PCDH11X: variants seen among roughly 807,000 people sequenced by gnomAD.
PCDH11X encodes protocadherin 11 X-linked.
A neutral mutation model predicts 53.3 loss-of-function variants in PCDH11X; 18 were observed. That is an observed-to-expected ratio of 0.34 (90% CI 0.23 to 0.50). PCDH11X has a LOEUF of 0.50. Among genes scored for constraint, PCDH11X ranks in the 20% least tolerant of loss-of-function variants. The pLI is 0.98. For synonymous variants in PCDH11X, 279 were observed against 393.3 expected (o/e 0.71, Z 3.44); for missense variants, 570 against 1,032.4 (o/e 0.55, Z 6.14).
At chrX:92,245,263 C>T (rs62600700) in intron 7 of PCDH11X, among the ~76,000 whole-genome samples, 14,832 of 111,713 alleles carry the variant, frequency 0.13, 1,577 homozygotes, top group African/African-American at 0.36. Context: ...TTCAAGACTT[C>T]GTGGATCACT....
chrX:91,951,216 A>T (rs766619287), intron 6 of PCDH11X, among the ~76,000 whole-genome samples: 2 of 110,672 alleles, frequency 1.8e-5, no homozygotes, highest in South Asian at 7.6e-4. Context: ...AAGTCAATGC[A>T]CTACAACTGC....
chrX:91,978,064 G>A (rs1221769670), intron 6 of PCDH11X, among the ~76,000 whole-genome samples: 2 of 111,391 alleles, frequency 1.8e-5, no homozygotes, highest in Non-Finnish European at 3.8e-5. Context: ...TGCATGAGGG[G>A]TAAGATCCAA....
intron 6 of PCDH11X, among the ~76,000 whole-genome samples, chrX:92,148,772 G>T (rs5942121): frequency 1.0e-5 from 1 of 99,123 alleles, no homozygotes; most frequent in Non-Finnish European, 1.9e-5. Flanking sequence ...ATATATATAT[G>T]TGTGTGTATA....
Position 92,484,322 on chromosome X carries a change from T to C in PCDH11X, c.3367+16000T>C, listed in dbSNP as rs374245053. ...GTGTGTATATATATACATATATATA[T>C]ATGCTAGATCGAATGGTACATCTAC... On this transcript the variant is annotated intron_variant, in intron 10 of 10. Transcript: ENST00000682573. Among the ~76,000 whole-genome samples, 26 of 103,065 alleles carry C rather than the reference T, an allele frequency of 2.5e-4. No individual in the cohort carries two copies. The South Asian group carries it at 0.01, about 40-fold the overall frequency. 89.5% of individuals were successfully genotyped at this position (103,065 alleles called of 115,157 possible). A position where few individuals can be genotyped will look rare whatever the true frequency, so the allele number is the denominator to read the frequency against.
chrX:92,157,548 G>A (rs756987438), intron 6 of PCDH11X, among the ~76,000 whole-genome samples: 2 of 111,774 alleles, frequency 1.8e-5, no homozygotes, highest in East Asian at 2.8e-4. Flanking sequence ...ATAAGAAAAC[G>A]ATTTTAAAGC....
At chrX:92,231,338 T>G (rs1332220216) in intron 7 of PCDH11X, among the ~76,000 whole-genome samples, 1 of 111,870 alleles carries the variant, frequency 8.9e-6, no homozygotes, top group Non-Finnish European at 1.9e-5. Context: ...CCATTTAAAA[T>G]TTTGTAATTT....
chrX:92,460,466 A>G, intron 9 of PCDH11X: 1 of 745,067 alleles, frequency 1.3e-6, no homozygotes. Context: ...GAGCTAGACA[A>G]ATACTGGCCT....
intron 7 of PCDH11X, among the ~76,000 whole-genome samples, chrX:92,230,990 C>A (rs1333815283): frequency 9.0e-6 from 1 of 111,088 alleles, no homozygotes; most frequent in African/African-American, 3.3e-5. Context: ...TCTGGAGGTA[C>A]AGAATGTGGC....
intron 7 of PCDH11X, among the ~76,000 whole-genome samples, chrX:92,208,902 G>C (rs1241881335): frequency 1.8e-5 from 2 of 110,699 alleles, no homozygotes; most frequent in Non-Finnish European, 3.8e-5. Context: ...AAGGTGAAGG[G>C]TAAGCCAGTC....
At chrX:92,213,212 C>T (rs1224393982) in intron 7 of PCDH11X, among the ~76,000 whole-genome samples, 2 of 112,107 alleles carry the variant, frequency 1.8e-5, no homozygotes, top group East Asian at 2.8e-4. Flanking sequence ...CAACATTGTT[C>T]TCTGCCCAGA....
chrX:92,418,351 T>G (rs1325642211), intron 9 of PCDH11X, among the ~76,000 whole-genome samples: 2 of 111,386 alleles, frequency 1.8e-5, no homozygotes, highest in Non-Finnish European at 1.9e-5. Flanking sequence ...AAATGTATCA[T>G]GCAGTCTTTT....
At chrX:91,949,511 T>C (rs2061613658) in intron 6 of PCDH11X, among the ~76,000 whole-genome samples, 2 of 110,549 alleles carry the variant, frequency 1.8e-5, no homozygotes, top group Admixed American at 9.7e-5. Flanking sequence ...TTAAAACAAA[T>C]TCGTACAAGT....
At chrX:92,547,675 G>GA (rs2074879653) in intron 10 of PCDH11X, among the ~76,000 whole-genome samples, 1 of 111,073 alleles carries the variant, frequency 9.0e-6, no homozygotes, top group African/African-American at 3.3e-5. Flanking sequence ...TTTACCTTGA[G>GA]AAAAAAATGA....
chrX:92,411,246 G>A (rs201348736), intron 9 of PCDH11X, among the ~76,000 whole-genome samples: 7 of 110,557 alleles, frequency 6.3e-5, no homozygotes. Context: ...GAATAAATTG[G>A]CTAACCTATG....
chrX:92,614,859 T>TATGCCTGGGTGTGGAGCAGAGAGAG, intron 10 of PCDH11X, among the ~76,000 whole-genome samples: 1 of 111,840 alleles, frequency 8.9e-6, no homozygotes, highest in Admixed American at 9.5e-5. Context: ...TGCCTAGAGA[T>TATGCCTGGGTGTGGAGCAGAGAGAG]ATGCCTGGGT....
chrX:92,613,796 G>A (rs916782940), intron 10 of PCDH11X, among the ~76,000 whole-genome samples: 15 of 109,685 alleles, frequency 1.4e-4, no homozygotes, highest in Middle Eastern at 4.7e-3. Flanking sequence ...AGGTTTCTTC[G>A]CTTTACATCA....
intron 7 of PCDH11X, among the ~76,000 whole-genome samples, chrX:92,233,673 A>G (rs2067122526): frequency 8.9e-6 from 1 of 111,947 alleles, no homozygotes; most frequent in South Asian, 3.7e-4. Context: ...ACCTGGAGCC[A>G]ACATAGTGAA....
In PCDH11X at chrX:92,615,720, C is replaced by G. The variant is rs183978175; in HGVS notation, c.3368-2544C>G. Among the ~76,000 whole-genome samples the G allele has an allele frequency of 6.6e-3, 718 of 109,602 alleles. 6 individuals are homozygous for G. Among genetic ancestry groups the G allele is most frequent in the African/African-American group, 0.023 (692 of 30,016 alleles). ...TGGCATCCTGCTGTCAGTCCTTGGC[C>G]TGGGCAAATTTCTGTAGTTTTTCCT... On this transcript the variant is annotated intron_variant, in intron 10 of 10. Coordinates refer to ENST00000682573, the MANE Select transcript of PCDH11X (RefSeq NM_032968.5).
At chrX:91,895,759 A>G (rs1940720365) in intron 6 of PCDH11X, among the ~76,000 whole-genome samples, 1 of 107,597 alleles carries the variant, frequency 9.3e-6, no homozygotes. Context: ...TATATTATAT[A>G]TGTATATATT....
Sources: gnomAD v4.1 joint callset for allele counts (sites outside exome capture counted in the v4.1 genomes callset) on GRCh38, gnomAD v4.1.1 for gene constraint, MANE v1.5 for transcripts, NCBI Gene and HGNC (gene_info 2026-07-23, HGNC 2026-07-21) for gene names.